The following MGAT4C variants were observed in gnomAD, a reference collection of about 807,000 sequenced individuals.
The protein encoded by MGAT4C is alpha-1,3-mannosyl-glycoprotein 4-beta-N-acetylglucosaminyltransferase C.
In MGAT4C, 19 loss-of-function variants were observed where a neutral mutation model predicts 40.1. That is an observed-to-expected ratio of 0.47 (90% CI 0.33 to 0.70). The LOEUF (loss-of-function observed/expected upper bound fraction) is 0.70, where lower values mean the gene tolerates loss of function less well. Among genes scored for constraint, MGAT4C ranks in the 30% least tolerant of loss-of-function variants. The probability of loss-of-function intolerance (pLI) is 0.02; values close to 1 mark genes in which losing one functional copy is unlikely to be tolerated. For missense variants in MGAT4C, 491 were observed against 563.2 expected (o/e 0.87, Z 1.30); for synonymous variants, 181 against 187.1 (o/e 0.97, Z 0.27).
intron 1 of MGAT4C, among the ~76,000 whole-genome samples, chr12:86,108,416 C>CT (rs542900025): frequency 1.3e-5 from 2 of 152,068 alleles, no homozygotes; most frequent in African/African-American, 2.4e-5. Flanking sequence ...CTTCTCTTTT[C>CT]TTTTTTTTCT....
intron 2 of MGAT4C, among the ~76,000 whole-genome samples, chr12:86,652,878 T>C (rs1272874687): frequency 2.0e-5 from 3 of 151,968 alleles, no homozygotes; most frequent in Admixed American, 2.0e-4. Context: ...TAAACTCATT[T>C]GAATGGGCAT....
At chr12:86,502,587 A>G (rs565017684) in intron 2 of MGAT4C, among the ~76,000 whole-genome samples, 18 of 142,038 alleles carry the variant, frequency 1.3e-4, no homozygotes, top group Non-Finnish European at 2.8e-4. Flanking sequence ...CGGGGAAAGC[A>G]GTGTTTGGAG....
intron 3 of MGAT4C, among the ~76,000 whole-genome samples, chr12:86,362,749 C>T (rs951478217): frequency 3.0e-4 from 45 of 151,644 alleles, no homozygotes; most frequent in Admixed American, 2.9e-3. Context: ...CACCTGTAGT[C>T]CCAGCTACCT....
chr12:86,084,840 A>G (rs1871451956), intron 1 of MGAT4C, among the ~76,000 whole-genome samples: 1 of 152,026 alleles, frequency 6.6e-6, no homozygotes, highest in Non-Finnish European at 1.5e-5. Flanking sequence ...TTTGGAATGA[A>G]AAGTTAGTAT....
chr12:86,701,271 T>C (rs1477261152), intron 2 of MGAT4C, among the ~76,000 whole-genome samples: 2 of 152,098 alleles, frequency 1.3e-5, no homozygotes, highest in East Asian at 3.9e-4. Context: ...GTTGCAACCC[T>C]CCATTGAACA....
At chr12:86,038,934 G>C (rs1463573379) in intron 2 of MGAT4C, among the ~76,000 whole-genome samples, 2 of 147,740 alleles carry the variant, frequency 1.4e-5, no homozygotes, top group African/African-American at 2.5e-5. Flanking sequence ...CTGGTGGTGA[G>C]AAAATCTCTC....
chr12:86,328,976 G>T (rs558317201), intron 4 of MGAT4C, among the ~76,000 whole-genome samples: 298 of 151,908 alleles, frequency 2.0e-3, no homozygotes, highest in African/African-American at 6.8e-3. Context: ...GGTGGTGGGT[G>T]CCTGTAATCC....
chr12:86,437,082 A>C (rs536088078), intron 2 of MGAT4C, among the ~76,000 whole-genome samples: 2 of 151,738 alleles, frequency 1.3e-5, no homozygotes, highest in African/African-American at 4.8e-5. Context: ...TTAATTTATA[A>C]ATTCAGTAAT....
chr12:86,116,994 A>C (rs1878534276), intron 1 of MGAT4C, among the ~76,000 whole-genome samples: 1 of 152,140 alleles, frequency 6.6e-6, no homozygotes, highest in African/African-American at 2.4e-5. Flanking sequence ...TGTTGGAATA[A>C]TATTAATGGT....
intron 2 of MGAT4C, among the ~76,000 whole-genome samples, chr12:86,657,457 T>C (rs1365818013): frequency 6.6e-6 from 1 of 151,840 alleles, no homozygotes; most frequent in East Asian, 1.9e-4. Flanking sequence ...CTCAAGAATT[T>C]AACTTCAGAT....
At chr12:86,600,528 T>G (rs75068320) in intron 2 of MGAT4C, among the ~76,000 whole-genome samples, 8,246 of 152,208 alleles carry the variant, frequency 0.054, 348 homozygotes, top group East Asian at 0.19. Flanking sequence ...TCTCGTGAGG[T>G]GTGCACTGGG....
intron 2 of MGAT4C, among the ~76,000 whole-genome samples, chr12:86,669,874 G>A (rs1369834849): frequency 1.3e-5 from 2 of 152,182 alleles, no homozygotes; most frequent in Non-Finnish European, 2.9e-5. Context: ...CTACTGGTTT[G>A]TAGGTTGAAC....
intron 2 of MGAT4C, among the ~76,000 whole-genome samples, chr12:86,452,454 T>G (rs1483186542): frequency 6.6e-6 from 1 of 151,880 alleles, no homozygotes; most frequent in Non-Finnish European, 1.5e-5. Context: ...TTCCTTGTCT[T>G]GTGTGACTGC....
At chr12:86,731,730 T>C (rs1033267059) in intron 1 of MGAT4C, among the ~76,000 whole-genome samples, 8 of 151,746 alleles carry the variant, frequency 5.3e-5, no homozygotes, top group Non-Finnish European at 1.2e-4. Flanking sequence ...CAAGTTCTTC[T>C]GGGAAAAAAA....
intron 2 of MGAT4C, among the ~76,000 whole-genome samples, chr12:86,620,936 T>C (rs1222676583): frequency 6.6e-6 from 1 of 152,150 alleles, no homozygotes; most frequent in Admixed American, 6.6e-5. Context: ...GTAAGTTTCC[T>C]AAGGCTTCCC....
At chr12:86,805,995 T>C (rs1300098421) in intron 1 of MGAT4C, among the ~76,000 whole-genome samples, 1 of 151,984 alleles carries the variant, frequency 6.6e-6, no homozygotes, top group African/African-American at 2.4e-5. Flanking sequence ...TTTCATAAAT[T>C]TATTGGCCAC....
At chr12:86,112,415 G>T (rs1390748092) in intron 1 of MGAT4C, among the ~76,000 whole-genome samples, 1 of 151,486 alleles carries the variant, frequency 6.6e-6, no homozygotes, top group Admixed American at 6.6e-5. Flanking sequence ...AATGCCATGA[G>T]TATCTTGGGA....
chr12:86,287,976 A>G (rs1453832641), intron 4 of MGAT4C, among the ~76,000 whole-genome samples: 1 of 152,206 alleles, frequency 6.6e-6, no homozygotes, highest in African/African-American at 2.4e-5. Flanking sequence ...ACAGTGTAAA[A>G]GTGTTCCTAT....
At chr12:86,633,358 T>C (rs1483068010) in intron 2 of MGAT4C, among the ~76,000 whole-genome samples, 1 of 152,088 alleles carries the variant, frequency 6.6e-6, no homozygotes, top group Admixed American at 6.6e-5. Context: ...TCAAAGGTCA[T>C]TTAAGAATTT....
Sources: allele counts gnomAD v4.1 joint callset (sites outside exome capture counted in the v4.1 genomes callset), GRCh38; gene constraint gnomAD v4.1.1; transcripts MANE v1.5; gene names NCBI Gene and HGNC (gene_info 2026-07-23, HGNC 2026-07-21).